The following GBE1 variants were observed in gnomAD, a reference collection of about 807,000 sequenced individuals.
The protein encoded by GBE1 is 1,4-alpha-glucan-branching enzyme.
A neutral mutation model predicts 88.8 loss-of-function variants in GBE1; 70 were observed. That is an observed-to-expected ratio of 0.79 (90% CI 0.65 to 0.96). The LOEUF is 0.96. Among genes scored for constraint, GBE1 ranks in the 40% least tolerant of loss-of-function variants. The probability of loss-of-function intolerance (pLI) is 0.00; values close to 1 mark genes in which losing one functional copy is unlikely to be tolerated. For missense variants in GBE1, 872 were observed against 871.0 expected, an observed-to-expected ratio of 1.00 and a Z score of -0.01; for synonymous variants, 284 against 300.1, an observed-to-expected ratio of 0.95 and a Z score of 0.56.
intron 15 of GBE1, among the ~76,000 whole-genome samples, chr3:81,493,817 C>CTGTAATGTAAAAA (rs1488565844): frequency 1.0e-4 from 15 of 148,976 alleles, no homozygotes; most frequent in Non-Finnish European, 3.0e-5. Context: ...TGTGAGCCAC[C>CTGTAATGTAAAAA]ACACCCATCC....
At chr3:81,603,347 A>T (rs1482828878) in intron 7 of GBE1, among the ~76,000 whole-genome samples, 2 of 152,156 alleles carry the variant, frequency 1.3e-5, no homozygotes, top group Non-Finnish European at 2.9e-5. Flanking sequence ...ATAATGAAAT[A>T]ACACTGAATT....
chr3:81,614,416 T>G (rs1704221730), intron 7 of GBE1, among the ~76,000 whole-genome samples: 1 of 152,172 alleles, frequency 6.6e-6, no homozygotes, highest in African/African-American at 2.4e-5. Flanking sequence ...CTGATTTGAC[T>G]AAATTAAAAT....
chr3:81,510,275 T>C (rs1702707285), intron 14 of GBE1, among the ~76,000 whole-genome samples: 1 of 152,146 alleles, frequency 6.6e-6, no homozygotes, highest in Admixed American at 6.6e-5. Context: ...ATATTTAAAA[T>C]CTGGAAATCT....
At chr3:81,742,944 G>T (rs373789574) in intron 1 of GBE1, among the ~76,000 whole-genome samples, 1 of 152,010 alleles carries the variant, frequency 6.6e-6, no homozygotes, top group African/African-American at 2.4e-5. Context: ...CTCCAACAAC[G>T]ACAGTAATAA....
At chr3:81,662,431 GA>G (rs979260950) in intron 3 of GBE1, among the ~76,000 whole-genome samples, 32 of 152,052 alleles carry the variant, frequency 2.1e-4, no homozygotes, top group Non-Finnish European at 5.9e-5. Flanking sequence ...TGCTGGCTCA[GA>G]AATTTATCCA....
intron 1 of GBE1, among the ~76,000 whole-genome samples, chr3:81,731,767 C>T (rs1390662602): frequency 3.3e-5 from 5 of 152,208 alleles, no homozygotes; most frequent in Admixed American, 2.6e-4. Context: ...TTCCTCTTCA[C>T]CTTCCGCCAT....
intron 3 of GBE1, 122 bp downstream of exon 3, chr3:81,670,716 T>A (rs1175578464): frequency 8.4e-6 from 5 of 594,728 alleles, no homozygotes; most frequent in Non-Finnish European, 1.2e-5. Flanking sequence ...TTTGTACATT[T>A]AGACTGTTTC....
chr3:81,714,072 T>C (rs1167882656), intron 1 of GBE1, among the ~76,000 whole-genome samples: 1 of 152,230 alleles, frequency 6.6e-6, no homozygotes, highest in Non-Finnish European at 1.5e-5. Context: ...AAAGAGAATG[T>C]AATTCTGAAT....
chr3:81,624,163 C>T (rs1704371129), intron 7 of GBE1, among the ~76,000 whole-genome samples: 1 of 152,126 alleles, frequency 6.6e-6, no homozygotes, highest in Non-Finnish European at 1.5e-5. Flanking sequence ...CACAAGGTGG[C>T]AGGAAAGAGA....
chr3:81,691,080 C>G (rs184758237), intron 2 of GBE1, among the ~76,000 whole-genome samples: 67 of 152,198 alleles, frequency 4.4e-4, no homozygotes, highest in South Asian at 8.3e-4. Context: ...AAAATAAAGT[C>G]CAGAGGAGGA....
At chr3:81,718,710 C>A (rs554892011) in intron 1 of GBE1, among the ~76,000 whole-genome samples, 1 of 152,248 alleles carries the variant, frequency 6.6e-6, no homozygotes, top group East Asian at 1.9e-4. Flanking sequence ...AATCTTGGCT[C>A]ACCGCAACCT....
intron 1 of GBE1, among the ~76,000 whole-genome samples, chr3:81,706,675 T>C (rs1037265264): frequency 1.3e-5 from 2 of 152,074 alleles, no homozygotes; most frequent in African/African-American, 4.8e-5. Context: ...ATGAACCACA[T>C]CTCAACTTAG....
At chr3:81,621,861 T>C in intron 7 of GBE1, among the ~76,000 whole-genome samples, 1 of 152,186 alleles carries the variant, frequency 6.6e-6, no homozygotes, top group Admixed American at 6.5e-5. Context: ...GGTCTTGCCT[T>C]TTATTTAAAT....
intron 1 of GBE1, among the ~76,000 whole-genome samples, chr3:81,720,177 T>C (rs995797655): frequency 6.6e-6 from 1 of 152,064 alleles, no homozygotes; most frequent in Non-Finnish European, 1.5e-5. Flanking sequence ...GGCACAAAAC[T>C]ACAAAGATCA....
intron 7 of GBE1, among the ~76,000 whole-genome samples, chr3:81,629,656 C>T (rs1326683392): frequency 6.6e-6 from 1 of 152,006 alleles, no homozygotes; most frequent in African/African-American, 2.4e-5. Context: ...GCTACTGAGC[C>T]CTGGAAACCT....
intron 7 of GBE1, among the ~76,000 whole-genome samples, chr3:81,638,203 CAAG>C (rs1168735879): frequency 2.0e-5 from 3 of 152,116 alleles, no homozygotes; most frequent in African/African-American, 7.2e-5. Flanking sequence ...TCTAGTTGCT[CAAG>C]AAAAGAGAGT....
At chr3:81,631,852 G>T (rs2107036662) in intron 7 of GBE1, among the ~76,000 whole-genome samples, 1 of 152,018 alleles carries the variant, frequency 6.6e-6, no homozygotes, top group East Asian at 1.9e-4. Context: ...TGTGCAGAAT[G>T]TGCAGGTTTG....
chr3:81,689,474 G>A (rs1418334436), intron 2 of GBE1, among the ~76,000 whole-genome samples: 3 of 152,158 alleles, frequency 2.0e-5, no homozygotes, highest in Non-Finnish European at 1.5e-5. Context: ...TTTAATGTAA[G>A]AACCATTTGT....
At chr3:81,660,170 G>A (rs1705003485) in intron 3 of GBE1, among the ~76,000 whole-genome samples, 1 of 152,128 alleles carries the variant, frequency 6.6e-6, no homozygotes, top group African/African-American at 2.4e-5. Context: ...ATAATTTCTT[G>A]TCAATTGATT....
Sources: allele counts gnomAD v4.1 joint callset (sites outside exome capture counted in the v4.1 genomes callset), GRCh38; gene constraint gnomAD v4.1.1; transcripts MANE v1.5; gene names NCBI Gene and HGNC (gene_info 2026-07-23, HGNC 2026-07-21).